CERS3: variants seen among roughly 807,000 people sequenced by gnomAD.
CERS3 encodes the protein LAG1 homolog, ceramide synthase 3.
Under a neutral mutation model 50.3 loss-of-function variants are expected in CERS3, and 33 were observed. The observed-to-expected ratio is 0.66, with a 90% CI of 0.50 to 0.88. CERS3 has a LOEUF of 0.88. CERS3 is among the 40% of genes least tolerant of loss of function. The pLI is 0.00. For missense variants in CERS3, 470 were observed against 460.3 expected (o/e 1.02, Z -0.19); for synonymous variants, 176 against 155.2 (o/e 1.13, Z -0.99).
rs2030633170 is a variant in CERS3 at position 100,402,613 on chromosome 15, AG to A, written c.*99del. 8.4e-7 allele frequency: 1 copy of A among 1,195,786 alleles called. No homozygotes were observed. The highest frequency in any genetic ancestry group is 1.2e-6 in the Non-Finnish European group (1 of 853,868). 74.1% of individuals were successfully genotyped at this position (1,195,786 alleles called of 1,614,324 possible). A position where few individuals can be genotyped will look rare whatever the true frequency, so the allele number is the denominator to read the frequency against. On this transcript the variant is annotated 3_prime_UTR_variant, in exon 12 of 12. Transcript: ENST00000679737. Reference sequence around the variant, plus strand: ...GTGGGAGGGAAGGCGGTGGTGAGAAAGAGGGAAGGGCAGAATGTGGGGTCGG... The same window carrying A: ...GTGGGAGGGAAGGCGGTGGTGAGAAAAGGGAAGGGCAGAATGTGGGGTCGG...
intron 11 of CERS3, among the ~76,000 whole-genome samples, chr15:100,435,716 T>C (rs1211865156): frequency 6.6e-6 from 1 of 152,156 alleles, no homozygotes; most frequent in Non-Finnish European, 1.5e-5. Flanking sequence ...ATTTTTGCAA[T>C]CTATCCATCT....
intron 10 of CERS3, among the ~76,000 whole-genome samples, chr15:100,464,009 T>C (rs890358770): frequency 2.6e-5 from 4 of 152,168 alleles, no homozygotes; most frequent in Non-Finnish European, 5.9e-5. Flanking sequence ...AACTCTCCTT[T>C]CTCTATTAGC....
In CERS3 at chr15:100,510,280, AAG is replaced by A. The variant is rs150289859; in HGVS notation, c.-1-8432_-1-8431del. Among the ~76,000 whole-genome samples, 1,112 of 152,274 alleles carry A rather than the reference AAG, an allele frequency of 7.3e-3. 7 individuals carry two copies. The highest frequency in any genetic ancestry group is 0.025 in the African/African-American group (1,018 of 41,526). ...TTAGGCTATAACTGTAAAAAAACTG[AAG>A]AGAGAGAAAAAAAAGAAAAATATCC... On this transcript the variant is annotated intron_variant, in intron 2 of 11. Transcript: ENST00000679737.
intron 11 of CERS3, among the ~76,000 whole-genome samples, chr15:100,438,641 C>T (rs969508551): frequency 1.3e-5 from 2 of 152,212 alleles, no homozygotes; most frequent in African/African-American, 2.4e-5. Flanking sequence ...TGTTTGTTAG[C>T]ATGTTCCTCT....
chr15:100,433,712 T>C (rs554475709), intron 11 of CERS3, among the ~76,000 whole-genome samples: 1 of 152,304 alleles, frequency 6.6e-6, no homozygotes, highest in East Asian at 1.9e-4. Context: ...TGCATGCCCA[T>C]GCACACATGT....
chr15:100,431,963 G>A (rs1272308566), intron 11 of CERS3, among the ~76,000 whole-genome samples: 5 of 152,074 alleles, frequency 3.3e-5, no homozygotes, highest in African/African-American at 1.2e-4. Context: ...TGTGTGTTAG[G>A]CTTAAGTATA....
chr15:100,415,521 T>C (rs1484782507), intron 11 of CERS3, among the ~76,000 whole-genome samples: 13 of 152,154 alleles, frequency 8.5e-5, no homozygotes, highest in Admixed American at 8.5e-4. Flanking sequence ...CTCTTCACAA[T>C]AGCAAAGAGT....
intron 11 of CERS3, among the ~76,000 whole-genome samples, chr15:100,437,404 T>C (rs572821420): frequency 6.6e-6 from 1 of 152,308 alleles, no homozygotes; most frequent in South Asian, 2.1e-4. Context: ...TGTTCTTCCC[T>C]AACATGTTGA....
At chr15:100,465,574 T>C (rs1193796250) in intron 10 of CERS3, among the ~76,000 whole-genome samples, 1 of 152,208 alleles carries the variant, frequency 6.6e-6, no homozygotes, top group African/African-American at 2.4e-5. Context: ...TGGTGAGGTT[T>C]TTCTCAACTT....
chr15:100,502,624 T>C (rs528899711), intron 2 of CERS3, among the ~76,000 whole-genome samples: 7 of 152,232 alleles, frequency 4.6e-5, no homozygotes, highest in Admixed American at 2.0e-4. Flanking sequence ...TCACTTCATA[T>C]TACAAGGAGA....
chr15:100,411,199 G>C (rs953588920), intron 11 of CERS3, among the ~76,000 whole-genome samples: 1 of 151,762 alleles, frequency 6.6e-6, no homozygotes, highest in Non-Finnish European at 1.5e-5. Flanking sequence ...TTTCATTCTC[G>C]TTGCCCAGGC....
chr15:100,469,561 ATGAG>A, intron 9 of CERS3, 77 bp from the exon 10 acceptor site: 1 of 1,043,582 alleles, frequency 9.6e-7, no homozygotes, highest in South Asian at 1.4e-5. Context: ...ATGAAATGAT[ATGAG>A]GTCTGGGATT....
At position 100,479,358 on chromosome 15, in the gene CERS3, G is replaced by A. The variant is rs554000962; in HGVS notation, c.516+70C>T. On this transcript the variant is annotated intron_variant, in intron 7 of 11. Transcript: ENST00000679737. ...ACAAAGAGTAGCAGGGGACCAAGAC[G>A]TAACTAAGGAGATAATTTGAGGGAT... 127 of 1,189,690 alleles carry A rather than the reference G, an allele frequency of 1.1e-4. No individual in the cohort carries two copies. In the Admixed American group the frequency reaches 1.2e-3, roughly 11 times the overall value. 73.7% of individuals were successfully genotyped at this position (1,189,690 alleles called of 1,614,324 possible).
At chr15:100,431,687 C>A (rs978226613) in intron 11 of CERS3, among the ~76,000 whole-genome samples, 1 of 152,154 alleles carries the variant, frequency 6.6e-6, no homozygotes, top group African/African-American at 2.4e-5. Flanking sequence ...TCTTGTAGAT[C>A]TCAGCCTAGG....
chr15:100,433,046 C>T (rs2033213029), intron 11 of CERS3, among the ~76,000 whole-genome samples: 1 of 152,040 alleles, frequency 6.6e-6, no homozygotes, highest in South Asian at 2.1e-4. Context: ...ACCATCCTGG[C>T]TAACACGGTG....
At chr15:100,423,873 C>G (rs762539888) in intron 11 of CERS3, among the ~76,000 whole-genome samples, 23 of 152,062 alleles carry the variant, frequency 1.5e-4, no homozygotes, top group Non-Finnish European at 2.9e-4. Context: ...GTTACCTGTA[C>G]AGCCTGCAGA....
chr15:100,500,045 G>C (rs927661676), intron 3 of CERS3, among the ~76,000 whole-genome samples: 23 of 152,132 alleles, frequency 1.5e-4, no homozygotes, highest in Non-Finnish European at 3.1e-4. Context: ...TAAGGTATAA[G>C]TGATATTTTA....
chr15:100,447,047 T>C (rs2033969450), intron 11 of CERS3, among the ~76,000 whole-genome samples: 1 of 152,242 alleles, frequency 6.6e-6, no homozygotes, highest in African/African-American at 2.4e-5. Context: ...TAGTTTGAAA[T>C]GGCCCTACCA....
Position 100,429,817 on chromosome 15 carries a change from G to A in CERS3, c.999+26076C>T, listed in dbSNP as rs144711824. 7.4e-4 allele frequency among the ~76,000 whole-genome samples: 112 copies of A among 152,154 alleles called. 1 individual carries two copies. Among genetic ancestry groups the A allele is most frequent in the African/African-American group, 2.5e-3 (104 of 41,518 alleles). On this transcript the variant is annotated intron_variant, in intron 11 of 11. Coordinates refer to ENST00000679737, the MANE Select transcript of CERS3 (RefSeq NM_001378789.1). ...TTGTACAATATGTGTAACACAACCA[G>A]CATCACTCAATTAATACACAAATTC...
Sources: gnomAD v4.1 joint callset for allele counts (sites outside exome capture counted in the v4.1 genomes callset) on GRCh38, gnomAD v4.1.1 for gene constraint, MANE v1.5 for transcripts, NCBI Gene and HGNC (gene_info 2026-07-23, HGNC 2026-07-21) for gene names.